Variants in MECOM observed in about 807,000 individuals in gnomAD.
MECOM encodes MDS1 and EVI1 complex locus.
A neutral mutation model predicts 116.3 loss-of-function variants in MECOM; 13 were observed. The ratio of observed to expected loss-of-function variants is 0.11; its 90% confidence interval spans 0.07 to 0.18. MECOM has a LOEUF of 0.18. Among genes scored for constraint, MECOM ranks in the 10% least tolerant of loss-of-function variants. The probability of loss-of-function intolerance (pLI) is 1.00; values close to 1 mark genes in which losing one functional copy is unlikely to be tolerated. For missense variants in MECOM, 1,299 were observed against 1,509.0 expected (o/e 0.86, Z 2.31); for synonymous variants, 528 against 535.2 (o/e 0.99, Z 0.19).
chr3:169,362,560 G>A (rs1445855628), intron 2 of MECOM, among the ~76,000 whole-genome samples: 1 of 151,912 alleles, frequency 6.6e-6, no homozygotes, highest in African/African-American at 2.4e-5. Context: ...TGAGGAAAGA[G>A]GGGTGGGGGC....
intron 1 of MECOM, among the ~76,000 whole-genome samples, chr3:169,544,078 G>A (rs1256112790): frequency 2.6e-5 from 4 of 152,094 alleles, no homozygotes; most frequent in African/African-American, 9.7e-5. Context: ...AGGAGAGACG[G>A]GGTTTCACCA....
intron 7 of MECOM, 46 bp downstream of exon 7, chr3:169,121,010 G>T: frequency 6.4e-7 from 1 of 1,553,178 alleles, no homozygotes. Flanking sequence ...TGCCTTTTGG[G>T]GAAGAGACAG....
rs941583549 is a variant in MECOM at position 169,404,611 on chromosome 3, C to T, written c.38-23087G>A. ...GAAGCCCCCCAAGCTCAGGCTGATC[C>T]GATGGGCCAGTTCCTCTGAAGCCTC... is the stretch of plus-strand genomic sequence containing the variant. On this transcript the variant is annotated intron_variant, in intron 1 of 16. Coordinates refer to ENST00000651503, the MANE Select transcript of MECOM (RefSeq NM_004991.4). Among the ~76,000 whole-genome samples the T allele has an allele frequency of 6.6e-5, 10 of 152,212 alleles. No homozygotes were observed. In the South Asian group the frequency reaches 1.2e-3, roughly 19 times the overall value.
chr3:169,663,302 G>A, intron 1 of MECOM, 34 bp downstream of exon 1: 1 of 1,595,462 alleles, frequency 6.3e-7, no homozygotes, highest in Non-Finnish European at 8.5e-7. Flanking sequence ...CAGAGGAGGG[G>A]GAAAAGCCAA....
intron 1 of MECOM, among the ~76,000 whole-genome samples, chr3:169,597,607 G>A (rs1466464781): frequency 6.6e-6 from 1 of 152,136 alleles, no homozygotes; most frequent in East Asian, 1.9e-4. Context: ...AATATAATAA[G>A]CAGATACACA....
intron 1 of MECOM, among the ~76,000 whole-genome samples, chr3:169,519,015 C>T (rs115135755): frequency 0.018 from 2,749 of 152,248 alleles, 30 homozygotes; most frequent in Middle Eastern, 0.037. Flanking sequence ...ATGTCTTTAC[C>T]AGCAGCATGA....
At chr3:169,271,257 C>G (rs1295376413) in intron 2 of MECOM, among the ~76,000 whole-genome samples, 1 of 152,162 alleles carries the variant, frequency 6.6e-6, no homozygotes, top group African/African-American at 2.4e-5. Context: ...GGGGTTGCAG[C>G]CCCCAGCCCT....
At chr3:169,310,636 C>T (rs1380938067) in intron 2 of MECOM, among the ~76,000 whole-genome samples, 1 of 152,164 alleles carries the variant, frequency 6.6e-6, no homozygotes, top group Non-Finnish European at 1.5e-5. Context: ...AATTATTTGG[C>T]TCTTCTGTAT....
intron 1 of MECOM, among the ~76,000 whole-genome samples, chr3:169,402,333 T>C (rs1222618697): frequency 6.6e-6 from 1 of 152,142 alleles, no homozygotes; most frequent in Non-Finnish European, 1.5e-5. Context: ...TCAGGAGCCC[T>C]GAGCCCCTGG....
chr3:169,350,204 G>A (rs1726082713), intron 2 of MECOM, among the ~76,000 whole-genome samples: 1 of 151,866 alleles, frequency 6.6e-6, no homozygotes, highest in African/African-American at 2.4e-5. Flanking sequence ...CTTTACATAA[G>A]CAGCCAACAA....
intron 1 of MECOM, among the ~76,000 whole-genome samples, chr3:169,487,012 C>T (rs1752461032): frequency 6.6e-6 from 1 of 151,492 alleles, no homozygotes; most frequent in East Asian, 1.9e-4. Flanking sequence ...TTTAATTTGT[C>T]ATTAGAGAAA....
chr3:169,290,238 A>T (rs568408714), intron 2 of MECOM, among the ~76,000 whole-genome samples: 3 of 152,190 alleles, frequency 2.0e-5, no homozygotes, highest in Non-Finnish European at 4.4e-5. Flanking sequence ...CACACTTGAG[A>T]TATTTTTGGG....
intron 2 of MECOM, among the ~76,000 whole-genome samples, chr3:169,327,969 C>T (rs1669324247): frequency 6.6e-6 from 1 of 152,180 alleles, no homozygotes; most frequent in African/African-American, 2.4e-5. Context: ...GGTGATTTCT[C>T]TACTTCCTGA....
At chr3:169,581,284 T>C (rs1018015669) in intron 1 of MECOM, among the ~76,000 whole-genome samples, 1 of 152,178 alleles carries the variant, frequency 6.6e-6, no homozygotes, top group Non-Finnish European at 1.5e-5. Flanking sequence ...TCCATCTTTA[T>C]AGCACTATTA....
intron 1 of MECOM, among the ~76,000 whole-genome samples, chr3:169,508,716 T>C (rs1417138652): frequency 6.6e-6 from 1 of 152,174 alleles, no homozygotes; most frequent in Non-Finnish European, 1.5e-5. Context: ...TTTCCTAAAA[T>C]AGATACTTTC....
At chr3:169,650,150 AT>A (rs1267688426) in intron 1 of MECOM, among the ~76,000 whole-genome samples, 1 of 152,262 alleles carries the variant, frequency 6.6e-6, no homozygotes, top group African/African-American at 2.4e-5. Flanking sequence ...ATACTGTCAT[AT>A]TTTTTATGCT....
chr3:169,163,291 C>T (rs1743112881), intron 2 of MECOM, among the ~76,000 whole-genome samples: 1 of 152,074 alleles, frequency 6.6e-6, no homozygotes, highest in African/African-American at 2.4e-5. Context: ...TGTACTCCTT[C>T]TTTCAGAAAC....
chr3:169,271,694 A>G (rs1239282180), intron 2 of MECOM, among the ~76,000 whole-genome samples: 2 of 152,186 alleles, frequency 1.3e-5, no homozygotes, highest in Non-Finnish European at 2.9e-5. Context: ...CCAACATGGC[A>G]CATGTATACC....
intron 14 of MECOM, among the ~76,000 whole-genome samples, chr3:169,091,165 A>G (rs569077167): frequency 4.5e-4 from 69 of 152,242 alleles, no homozygotes; most frequent in Middle Eastern, 6.8e-3. Context: ...TGCTTGCATG[A>G]GTGGATTAAA....
Sources: gnomAD v4.1 joint callset for allele counts (sites outside exome capture counted in the v4.1 genomes callset) on GRCh38, gnomAD v4.1.1 for gene constraint, MANE v1.5 for transcripts, NCBI Gene and HGNC (gene_info 2026-07-23, HGNC 2026-07-21) for gene names.